LRRFIP1: variants seen among roughly 807,000 people sequenced by gnomAD.
LRRFIP1 encodes LRR binding FLII interacting protein 1, also known as leucine-rich repeat flightless-interacting protein 1.
In LRRFIP1, 62 loss-of-function variants were observed where a neutral mutation model predicts 104.4. The observed-to-expected ratio is 0.59, with a 90% CI of 0.48 to 0.73. The LOEUF is 0.73. Ranked by LOEUF, LRRFIP1 falls within the 30% of genes least tolerant of loss-of-function variation. The pLI is 0.00. For missense variants in LRRFIP1, 796 were observed against 824.5 expected (o/e 0.97, Z 0.42); for synonymous variants, 300 against 299.0 (o/e 1.00, Z -0.03).
At chr2:237,627,835 C>A in intron 1 of LRRFIP1, 95 bp downstream of exon 1, 1 of 823,330 alleles carries the variant, frequency 1.2e-6, no homozygotes, top group Non-Finnish European at 1.6e-6. Flanking sequence ...TCCCGCTGTG[C>A]GTCTGTGCCA....
intron 1 of LRRFIP1, among the ~76,000 whole-genome samples, chr2:237,645,469 C>A (rs1371637570): frequency 6.7e-6 from 1 of 149,208 alleles, no homozygotes; most frequent in Non-Finnish European, 1.5e-5. Flanking sequence ...CCTCACCGTT[C>A]CCCTCTCCTC....
chr2:237,708,589 C>G lies in LRRFIP1; in HGVS notation c.142C>G (p.Arg48Gly). 1 of 1,599,598 alleles carries G rather than the reference C, an allele frequency of 6.3e-7. No individual in the cohort carries two copies. Among genetic ancestry groups the G allele is most frequent in the Non-Finnish European group, 8.5e-7 (1 of 1,171,080 alleles). ...AAKRAARAEA[R>G]EIRMKELERQ... ...AAAACGGGCGGCCCGCGCGGAGGCT[C>G]GCGAGATCCGCATGAAGGAGCTGGA... The change falls in exon 2 of 24, where the codon CGC (arginine) becomes GGC (glycine). Residue 48 changes from arginine (R) to glycine (G), a missense_variant. Coordinates refer to ENST00000308482, the MANE Select transcript of LRRFIP1 (RefSeq NM_001137550.2).
At chr2:237,734,467 G>A (rs1222429570) in intron 9 of LRRFIP1, among the ~76,000 whole-genome samples, 1 of 151,816 alleles carries the variant, frequency 6.6e-6, no homozygotes, top group African/African-American at 2.4e-5. Flanking sequence ...TTTCAGTAGA[G>A]ACGGGTTTCA....
At chr2:237,662,472 A>G (rs928750419) in intron 1 of LRRFIP1, among the ~76,000 whole-genome samples, 3 of 152,098 alleles carry the variant, frequency 2.0e-5, no homozygotes, top group African/African-American at 7.2e-5. Context: ...GGTGTGTGCC[A>G]TGTGCTCTTA....
rs78551849 is a variant in LRRFIP1, at chr2:237,649,777, C to T, written c.96+22037C>T. ...CAGTGTTGTTCAGGCCTCACCAGTC[C>T]TTGGTCATGCCACCCGGGCTGAGTT... On this transcript the variant is annotated intron_variant, in intron 1 of 23. Transcript: ENST00000308482. The surrounding 1 kb of genome is among the most constrained non-coding windows in gnomAD (Gnocchi z 4.1). Among the ~76,000 whole-genome samples, 1 of 151,904 alleles carries T rather than the reference C, an allele frequency of 6.6e-6. No homozygotes were observed. The highest frequency in any genetic ancestry group is 2.4e-5 in the African/African-American group (1 of 41,366).
chr2:237,714,857 G>A (rs1256222316), intron 3 of LRRFIP1, among the ~76,000 whole-genome samples: 1 of 152,192 alleles, frequency 6.6e-6, no homozygotes, highest in Non-Finnish European at 1.5e-5. Flanking sequence ...AGAAAATAAA[G>A]ACAAGCAAGT....
intron 10 of LRRFIP1, among the ~76,000 whole-genome samples, chr2:237,736,270 A>G (rs1448024053): frequency 5.3e-5 from 8 of 152,180 alleles, no homozygotes; most frequent in Admixed American, 5.2e-4. Context: ...TCGACAACTG[A>G]TTACACATTT....
At chr2:237,772,403 CA>C in intron 21 of LRRFIP1, 1 of 512,780 alleles carries the variant, frequency 2.0e-6, no homozygotes, top group Non-Finnish European at 3.5e-6. Context: ...AACAGGTACC[CA>C]AAAACGTGCA....
intron 13 of LRRFIP1, among the ~76,000 whole-genome samples, chr2:237,750,264 G>A (rs2058413094): frequency 6.6e-6 from 1 of 151,274 alleles, no homozygotes. Context: ...GCCACCCCTG[G>A]GCCACCTGCA....
chr2:237,759,757 A>T (rs903325230), intron 18 of LRRFIP1, among the ~76,000 whole-genome samples: 1 of 152,280 alleles, frequency 6.6e-6, no homozygotes, highest in Non-Finnish European at 1.5e-5. Flanking sequence ...TTACTGCTCC[A>T]CTTGGGGGCA....
intron 1 of LRRFIP1, among the ~76,000 whole-genome samples, chr2:237,681,859 T>G (rs1284563057): frequency 6.7e-6 from 1 of 149,814 alleles, no homozygotes; most frequent in African/African-American, 2.4e-5. Context: ...TTTTGTATTT[T>G]TAGTAGAGAC....
chr2:237,739,168 G>T (rs1436069672), intron 10 of LRRFIP1, 64 bp from the exon 11 acceptor site: 7 of 1,421,938 alleles, frequency 4.9e-6, no homozygotes, highest in African/African-American at 1.4e-5. Flanking sequence ...TATTCTCCTT[G>T]CTCCTTTGCT....
Position 237,627,734 on chromosome 2 carries a change from G to C in LRRFIP1, c.90G>C (p.Ala30=). Residue 30 remains alanine, a synonymous_variant, in exon 1 of 24, where the codon GCG becomes GCC. Transcript: ENST00000308482. ...AGGACGACGCGCTCAACCAGATCGC[G>C]CGGGAGGTGAGCGCTCCGGGAGGGC... is the stretch of plus-strand genomic sequence containing the variant. ...TAEDDALNQI[A]REAEARLAAK... 7.7e-7 allele frequency: 1 copy of C among 1,306,332 alleles called. No homozygotes were observed. 80.9% of individuals were successfully genotyped at this position (1,306,332 alleles called of 1,614,324 possible).
chr2:237,739,169 C>A, intron 10 of LRRFIP1, 63 bp from the exon 11 acceptor site: 2 of 1,433,736 alleles, frequency 1.4e-6, no homozygotes, highest in Non-Finnish European at 9.6e-7. Flanking sequence ...ATTCTCCTTG[C>A]TCCTTTGCTG....
At position 237,758,746 on chromosome 2, in the gene LRRFIP1, A is replaced by G. The variant is rs748526075; in HGVS notation, c.1242A>G (p.Lys414=). 3 of 1,612,922 alleles carry G rather than the reference A, an allele frequency of 1.9e-6. No homozygotes were observed. The highest frequency in any genetic ancestry group is 3.3e-5 in the Admixed American group (2 of 59,846). Residue 414 remains lysine (K), a synonymous_variant, in exon 18 of 24, where the codon AAA becomes AAG. Transcript: ENST00000308482. ...ACACTCAGGCATTAGAGAGGCAGAAAGAGTTCTTTGATTCCGTAAGGAGTG... is the reference window on the plus strand; with the variant it reads ...ACACTCAGGCATTAGAGAGGCAGAAGGAGTTCTTTGATTCCGTAAGGAGTG... ...DKKIGALERQ[K]EFFDSVRSER...
chr2:237,763,538 G>A lies in LRRFIP1; in HGVS notation c.1459+3333G>A, dbSNP rs761312145. 1.2e-5 allele frequency: 19 copies of A among 1,613,176 alleles called. No individual in the cohort carries two copies. The African/African-American group carries it at 1.7e-4, about 15-fold the overall frequency. Reference sequence around the variant, plus strand: ...AGATTTAAGTGAAATTAAGGAAGAAGAGCAGGTAAAGTCTACTGACAGAAA... The same window carrying A: ...AGATTTAAGTGAAATTAAGGAAGAAAAGCAGGTAAAGTCTACTGACAGAAA... On this transcript the variant is annotated intron_variant, in intron 19 of 23. Coordinates refer to ENST00000308482, the MANE Select transcript of LRRFIP1 (RefSeq NM_001137550.2).
intron 1 of LRRFIP1, among the ~76,000 whole-genome samples, chr2:237,659,250 C>T (rs1669625004): frequency 6.6e-6 from 1 of 151,878 alleles, no homozygotes; most frequent in African/African-American, 2.4e-5. Context: ...CACACCACTA[C>T]ACTCGGCAAA....
chr2:237,639,566 A>C (rs1223873049), intron 1 of LRRFIP1, among the ~76,000 whole-genome samples: 1 of 152,138 alleles, frequency 6.6e-6, no homozygotes, highest in African/African-American at 2.4e-5. Context: ...ACTTCACCCC[A>C]GCCTTGTTCT....
At chr2:237,767,048 G>GCATGTAGTCC (rs2060290081) in intron 19 of LRRFIP1, among the ~76,000 whole-genome samples, 1 of 152,142 alleles carries the variant, frequency 6.6e-6, no homozygotes, top group Admixed American at 6.5e-5. Context: ...GGTGGCATGT[G>GCATGTAGTCC]CATGTAGTCC....
Sources: gnomAD v4.1 joint callset for allele counts (sites outside exome capture counted in the v4.1 genomes callset) on GRCh38, gnomAD v4.1.1 for gene constraint, Gnocchi (gnomAD v3.1) non-coding constraint, MANE v1.5 for transcripts, NCBI Gene and HGNC (gene_info 2026-07-23, HGNC 2026-07-21) for gene names.